The following C1QTNF9 variants were observed in gnomAD, a reference collection of about 807,000 sequenced individuals.
The protein encoded by C1QTNF9 is C1q and TNF related 9.
In C1QTNF9, 6 loss-of-function variants were observed where a neutral mutation model predicts 10.1. That is an observed-to-expected ratio of 0.59 (90% CI 0.32 to 1.17). C1QTNF9 has a LOEUF of 1.17. C1QTNF9 is among the 50% of genes most tolerant of loss of function. C1QTNF9 has a pLI of 0.04. For synonymous variants in C1QTNF9, 98 were observed against 163.5 expected, an observed-to-expected ratio of 0.60 and a Z score of 3.06; for missense variants, 201 against 418.8, an observed-to-expected ratio of 0.48 and a Z score of 4.54.
upstream of C1QTNF9, among the ~76,000 whole-genome samples, chr13:24,309,308 T>TATATATATATATATATATA (rs1480664232): frequency 7.1e-6 from 1 of 141,556 alleles, no homozygotes; most frequent in South Asian, 2.3e-4. Flanking sequence ...TATATATATA[T>TATATATATATATATATATA]GAAAGAAACC....
chr13:24,314,953 G>C (rs941011389), intron 1 of C1QTNF9, among the ~76,000 whole-genome samples: 3 of 151,436 alleles, frequency 2.0e-5, no homozygotes, highest in African/African-American at 4.9e-5. Context: ...ACAAGACCCT[G>C]ACTCAAAGAA....
chr13:24,318,630 G>T (rs9580938), intron 2 of C1QTNF9, among the ~76,000 whole-genome samples, 188 bp from the exon 3 acceptor site: 1 of 151,688 alleles, frequency 6.6e-6, no homozygotes, highest in Admixed American at 6.6e-5. Context: ...CTTATCCCAC[G>T]CAGCTCAGCA....
intron 2 of C1QTNF9, among the ~76,000 whole-genome samples, chr13:24,317,390 T>A (rs535207466): frequency 3.3e-5 from 5 of 152,014 alleles, no homozygotes; most frequent in Non-Finnish European, 7.4e-5. Flanking sequence ...AGACAAACAC[T>A]CCTATATTCA....
At chr13:24,308,598 C>T (rs1347792686), upstream of C1QTNF9, among the ~76,000 whole-genome samples, 1 of 152,214 alleles carries the variant, frequency 6.6e-6, no homozygotes, top group Non-Finnish European at 1.5e-5. Flanking sequence ...GAGTCGGCGC[C>T]GCCGAGCTGG....
intron 2 of C1QTNF9, among the ~76,000 whole-genome samples, chr13:24,316,443 C>T (rs1593534296): frequency 6.6e-6 from 1 of 152,298 alleles, no homozygotes; most frequent in East Asian, 1.9e-4. Flanking sequence ...CTCCTGGGTT[C>T]TCTCATCTCT....
upstream of C1QTNF9, among the ~76,000 whole-genome samples, chr13:24,307,847 A>G (rs1017777824): frequency 5.9e-5 from 9 of 152,242 alleles, no homozygotes; most frequent in African/African-American, 2.2e-4. Flanking sequence ...GAGTGAACCC[A>G]GCTGAACCTG....
chr13:24,318,857 C>T (rs780428044), exon 3 of C1QTNF9: 15 of 1,614,198 alleles, frequency 9.3e-6, no homozygotes, highest in South Asian at 7.7e-5. Context: ...AAGGATGGGA[C>T]GAGTGGAGAG....
upstream of C1QTNF9, among the ~76,000 whole-genome samples, chr13:24,308,479 A>G (rs187414887): frequency 1.5e-3 from 223 of 152,284 alleles, 1 homozygote; most frequent in African/African-American, 4.8e-3. Context: ...GATCTCACTC[A>G]TTTTACACCG....
chr13:24,322,514 G>T (rs1247913413), exon 4 of C1QTNF9: 1 of 152,212 alleles, frequency 6.6e-6, no homozygotes, highest in East Asian at 1.9e-4. Context: ...TACACAAACT[G>T]GGAGTCTTTA....
At chr13:24,307,914 G>C (rs1218258725), upstream of C1QTNF9, among the ~76,000 whole-genome samples, 2 of 152,250 alleles carry the variant, frequency 1.3e-5, no homozygotes, top group East Asian at 3.8e-4. Flanking sequence ...CAGGAGGATG[G>C]AGCCCTTTTC....
At chr13:24,312,033 C>A (rs1403517723) in intron 1 of C1QTNF9, among the ~76,000 whole-genome samples, 1 of 152,146 alleles carries the variant, frequency 6.6e-6, no homozygotes, top group African/African-American at 2.4e-5. Flanking sequence ...TATCATGGGC[C>A]CCTAGAAGCC....
chr13:24,307,740 A>T (rs1003082690), upstream of C1QTNF9, among the ~76,000 whole-genome samples: 9 of 152,188 alleles, frequency 5.9e-5, no homozygotes, highest in Non-Finnish European at 1.2e-4. Flanking sequence ...ACAGTGAAAG[A>T]GATGGGGGTG....
In C1QTNF9 at chr13:24,311,256, T is replaced by C. The variant is rs9553237; in HGVS notation, c.-23+1640T>C. 9.8e-5 allele frequency among the ~76,000 whole-genome samples: 15 copies of C among 152,342 alleles called. No homozygotes were observed. The East Asian group carries it at 2.7e-3, about 27-fold the overall frequency. ...TCAGGAAGAGGGCACTGGGTGACCA[T>C]TTATCAAGAGATTCTTTAGCAAAGG... On this transcript the variant is annotated intron_variant, in intron 1 of 3. Transcript: ENST00000332018.
At chr13:24,318,515 C>G (rs1319529213) in intron 2 of C1QTNF9, among the ~76,000 whole-genome samples, 7 of 151,726 alleles carry the variant, frequency 4.6e-5, no homozygotes, top group Non-Finnish European at 7.4e-5. Context: ...TCGTGACAGT[C>G]AGTCCCCATT....
At chr13:24,310,300 C>A (rs1187527302) in intron 1 of C1QTNF9, among the ~76,000 whole-genome samples, 11 of 149,414 alleles carry the variant, frequency 7.4e-5, no homozygotes, top group Non-Finnish European at 1.2e-4. Flanking sequence ...ACTACAGGAG[C>A]CTGCCACCGC....
upstream of C1QTNF9, among the ~76,000 whole-genome samples, chr13:24,308,456 C>T (rs1231902548): frequency 1.3e-5 from 2 of 152,180 alleles, no homozygotes; most frequent in African/African-American, 2.4e-5. Context: ...TGCGGGGTGC[C>T]GGGGAGAAGC....
chr13:24,309,283 T>TTATATATATATATATATATATATATATA (rs72150411), upstream of C1QTNF9, among the ~76,000 whole-genome samples: 1,240 of 66,180 alleles, frequency 0.019, 82 homozygotes, highest in Non-Finnish European at 0.025. Flanking sequence ...ACTTAAAGTA[T>TTATATATATATATATATATATATATATA]TATATATATA....
exon 2 of C1QTNF9, chr13:24,316,033 T>C: frequency 6.2e-7 from 1 of 1,613,670 alleles, no homozygotes; most frequent in African/African-American, 1.3e-5. Flanking sequence ...TGCTTGCCAT[T>C]GAAATCTGCA....
chr13:24,319,782 G>C (rs186552658), intron 3 of C1QTNF9, among the ~76,000 whole-genome samples: 1 of 152,268 alleles, frequency 6.6e-6, no homozygotes, highest in African/African-American at 2.4e-5. Flanking sequence ...GGATGTAGTC[G>C]TAGTGGCAAA....
Sources: allele counts gnomAD v4.1 joint callset (sites outside exome capture counted in the v4.1 genomes callset), GRCh38; gene constraint gnomAD v4.1.1; transcripts MANE v1.5; gene names NCBI Gene and HGNC (gene_info 2026-07-23, HGNC 2026-07-21).